Variants in SDC2 observed in about 807,000 individuals in gnomAD.
SDC2 encodes the protein syndecan-2.
SDC2 carries 13 observed loss-of-function variants against 22.2 expected under a neutral mutation model. The observed-to-expected ratio is 0.59, with a 90% CI of 0.38 to 0.93. The LOEUF is 0.93. SDC2 is among the 40% of genes least tolerant of loss of function. SDC2 has a pLI of 0.00. For missense variants in SDC2, 235 were observed against 246.8 expected, an observed-to-expected ratio of 0.95 and a Z score of 0.32; for synonymous variants, 94 against 92.8, an observed-to-expected ratio of 1.01 and a Z score of -0.07.
chr8:96,598,201 G>T (rs942512974), intron 2 of SDC2, among the ~76,000 whole-genome samples: 1 of 152,144 alleles, frequency 6.6e-6, no homozygotes, highest in African/African-American at 2.4e-5. Flanking sequence ...TGAGGGCCCT[G>T]CCCCCATGAC....
At chr8:96,507,146 T>G (rs1813254474) in intron 1 of SDC2, among the ~76,000 whole-genome samples, 1 of 152,236 alleles carries the variant, frequency 6.6e-6, no homozygotes, top group African/African-American at 2.4e-5. Flanking sequence ...AATGGACTTT[T>G]AAAAGGAAAC....
At chr8:96,508,345 T>A (rs897998670) in intron 1 of SDC2, among the ~76,000 whole-genome samples, 2 of 134,288 alleles carry the variant, frequency 1.5e-5, no homozygotes, top group Admixed American at 7.5e-5. Flanking sequence ...TAATAATAAT[T>A]AGCCGGGTGT....
chr8:96,539,563 A>G (rs1352614854), intron 1 of SDC2, among the ~76,000 whole-genome samples: 3 of 152,266 alleles, frequency 2.0e-5, no homozygotes, highest in East Asian at 1.9e-4. Flanking sequence ...CGTGTTAAGT[A>G]TAGTACATAT....
chr8:96,576,790 A>G (rs892106704), intron 1 of SDC2, among the ~76,000 whole-genome samples: 4 of 152,098 alleles, frequency 2.6e-5, no homozygotes, highest in African/African-American at 9.7e-5. Flanking sequence ...TGATCAGGAT[A>G]CTTGACCCCT....
intron 2 of SDC2, among the ~76,000 whole-genome samples, chr8:96,600,027 C>A (rs1163513712): frequency 1.3e-5 from 2 of 151,834 alleles, no homozygotes; most frequent in African/African-American, 2.4e-5. Flanking sequence ...GGCACAGTGG[C>A]ACATATATTT....
chr8:96,568,677 G>A (rs1814340199), intron 1 of SDC2, among the ~76,000 whole-genome samples: 1 of 152,242 alleles, frequency 6.6e-6, no homozygotes, highest in Non-Finnish European at 1.5e-5. Flanking sequence ...GAGCATGGGT[G>A]TGCTGAACCC....
Position 96,583,685 on chromosome 8 carries a change from ATG to A in SDC2, c.61-9763_61-9762del, listed in dbSNP as rs3064977. On this transcript the variant is annotated intron_variant, in intron 1 of 4. Transcript: ENST00000302190. ...AAATATATATATGTATTTGAAATAT[ATG>A]TGTGTGTGTGTGTGTGTGTGTGTGT... Among the ~76,000 whole-genome samples, 345 of 142,582 alleles carry A rather than the reference ATG, an allele frequency of 2.4e-3. 2 individuals carry two copies. The highest frequency in any genetic ancestry group is 6.2e-3 in the South Asian group (27 of 4,378). 93.5% of individuals were successfully genotyped at this position (142,582 alleles called of 152,430 possible). A position where few individuals can be genotyped will look rare whatever the true frequency, so the allele number is the denominator to read the frequency against.
At chr8:96,588,077 C>G (rs890222680) in intron 1 of SDC2, among the ~76,000 whole-genome samples, 1 of 152,098 alleles carries the variant, frequency 6.6e-6, no homozygotes, top group African/African-American at 2.4e-5. Flanking sequence ...CTTTTGAACC[C>G]GAGGCTGAAT....
At chr8:96,501,046 G>GT (rs1563638939) in intron 1 of SDC2, among the ~76,000 whole-genome samples, 1 of 152,054 alleles carries the variant, frequency 6.6e-6, no homozygotes, top group African/African-American at 2.4e-5. Flanking sequence ...TGTTTTCACA[G>GT]TTTTTTTCTC....
At chr8:96,580,782 A>AT (rs1408093324) in intron 1 of SDC2, among the ~76,000 whole-genome samples, 2 of 152,162 alleles carry the variant, frequency 1.3e-5, no homozygotes, top group African/African-American at 4.8e-5. Context: ...GCTCATTGCC[A>AT]TTGGCTACTT....
chr8:96,601,569 A>G (rs1200435632), intron 2 of SDC2, among the ~76,000 whole-genome samples: 1 of 145,128 alleles, frequency 6.9e-6, no homozygotes, highest in African/African-American at 2.5e-5. Context: ...TCAACCTGGA[A>G]GGCAGAGGTT....
At chr8:96,531,258 T>C (rs1813657496) in intron 1 of SDC2, among the ~76,000 whole-genome samples, 1 of 152,340 alleles carries the variant, frequency 6.6e-6, no homozygotes, top group South Asian at 2.1e-4. Flanking sequence ...AACTGGAGTT[T>C]AATATAACTT....
chr8:96,534,207 C>G (rs1278911831), intron 1 of SDC2, among the ~76,000 whole-genome samples: 2 of 152,216 alleles, frequency 1.3e-5, no homozygotes, highest in Non-Finnish European at 2.9e-5. Context: ...CACCTCCCTG[C>G]AAGCTGAGGG....
chr8:96,578,565 T>C (rs1814540646), intron 1 of SDC2, among the ~76,000 whole-genome samples: 1 of 152,242 alleles, frequency 6.6e-6, no homozygotes, highest in Admixed American at 6.5e-5. Flanking sequence ...CTTAGCTCTT[T>C]TGTGCCACAA....
At chr8:96,547,370 A>G (rs181494649) in intron 1 of SDC2, among the ~76,000 whole-genome samples, 15 of 152,350 alleles carry the variant, frequency 9.8e-5, no homozygotes, top group Admixed American at 2.0e-4. Context: ...GTCAGTAAAT[A>G]TGGATCCAGA....
intron 1 of SDC2, among the ~76,000 whole-genome samples, chr8:96,562,215 T>G (rs762460656): frequency 1.3e-5 from 2 of 152,244 alleles, no homozygotes; most frequent in Admixed American, 6.5e-5. Context: ...TTTTTGCATG[T>G]GGATGTCCCA....
intron 1 of SDC2, among the ~76,000 whole-genome samples, chr8:96,592,264 A>C (rs1265508457): frequency 6.6e-6 from 1 of 152,228 alleles, no homozygotes; most frequent in Non-Finnish European, 1.5e-5. Flanking sequence ...ACCTGAGAAA[A>C]TAAAGTGGTA....
At chr8:96,564,546 G>C (rs1366430955) in intron 1 of SDC2, among the ~76,000 whole-genome samples, 1 of 152,214 alleles carries the variant, frequency 6.6e-6, no homozygotes, top group Non-Finnish European at 1.5e-5. Flanking sequence ...GCCTCACACA[G>C]AGAGGTAAAG....
At chr8:96,528,144 C>T (rs1813606613) in intron 1 of SDC2, among the ~76,000 whole-genome samples, 1 of 152,054 alleles carries the variant, frequency 6.6e-6, no homozygotes, top group Non-Finnish European at 1.5e-5. Context: ...TTTAAAAAAT[C>T]TATTTATATC....
Sources: gnomAD v4.1 joint callset for allele counts (sites outside exome capture counted in the v4.1 genomes callset) on GRCh38, gnomAD v4.1.1 for gene constraint, MANE v1.5 for transcripts, NCBI Gene and HGNC (gene_info 2026-07-23, HGNC 2026-07-21) for gene names.